ANAPC10: variants seen among roughly 807,000 people sequenced by gnomAD.
The protein encoded by ANAPC10 is anaphase promoting complex subunit 10, also known as anaphase-promoting complex subunit 10.
A neutral mutation model predicts 22.0 loss-of-function variants in ANAPC10; 12 were observed. The observed-to-expected ratio is 0.55, with a 90% CI of 0.35 to 0.88. The LOEUF (loss-of-function observed/expected upper bound fraction) is 0.88. ANAPC10 is among the 40% of genes least tolerant of loss of function. The pLI is 0.01. For synonymous variants in ANAPC10, 65 were observed against 69.5 expected (o/e 0.94, Z 0.32); for missense variants, 188 against 220.9 (o/e 0.85, Z 0.94).
chr4:145,001,428 C>T (rs1164072186), intron 4 of ANAPC10, among the ~76,000 whole-genome samples: 2 of 152,096 alleles, frequency 1.3e-5, no homozygotes, highest in African/African-American at 4.8e-5. Flanking sequence ...AAATCATAGA[C>T]ACAGAAAGTA....
chr4:145,081,846 G>A, intron 2 of ANAPC10, 96 bp from the exon 3 acceptor site: 1 of 880,926 alleles, frequency 1.1e-6, no homozygotes. Context: ...CAGAAATTTT[G>A]ATAAACAGAA....
chr4:145,036,587 A>C (rs2054769679), intron 4 of ANAPC10, among the ~76,000 whole-genome samples: 1 of 152,138 alleles, frequency 6.6e-6, no homozygotes, highest in Non-Finnish European at 1.5e-5. Context: ...GGGCTCAAGC[A>C]ATCCTTCTGC....
intron 4 of ANAPC10, among the ~76,000 whole-genome samples, chr4:145,045,910 C>T (rs768779740): frequency 2.0e-5 from 3 of 152,010 alleles, no homozygotes; most frequent in African/African-American, 4.8e-5. Context: ...TTTTAAAAAA[C>T]GATCTGATCT....
chr4:145,097,876 C>G (rs1324994005), intron 1 of ANAPC10: 6 of 302,636 alleles, frequency 2.0e-5, no homozygotes, highest in African/African-American at 4.4e-5. Flanking sequence ...GATTCCCGGC[C>G]CTGAACTGAC....
intron 4 of ANAPC10, among the ~76,000 whole-genome samples, chr4:145,054,178 A>AT (rs1200275464): frequency 6.6e-6 from 1 of 150,570 alleles, no homozygotes; most frequent in East Asian, 2.0e-4. Context: ...AAGTGCTGGT[A>AT]TTACAGGCCT....
In ANAPC10 at chr4:145,082,120, T is replaced by C. The variant is rs561226008; in HGVS notation, c.116-370A>G. ...CCTATATTAGGATCAAGTTATTTTG[T>C]TGTCACCTTTTTAAAAAACATCTTC... On this transcript the variant is annotated intron_variant, in intron 2 of 4. Transcript: ENST00000507656. Among the ~76,000 whole-genome samples the C allele has an allele frequency of 6.4e-4, 97 of 152,236 alleles. 1 individual carries two copies. The highest frequency in any genetic ancestry group is 1.1e-3 in the Non-Finnish European group (76 of 68,044).
intron 4 of ANAPC10, among the ~76,000 whole-genome samples, chr4:145,022,932 G>A (rs1481401555): frequency 6.6e-6 from 1 of 151,812 alleles, no homozygotes; most frequent in African/African-American, 2.4e-5. Flanking sequence ...ATGCAGGTTT[G>A]TTACATATGT....
At chr4:145,013,589 T>C (rs994332337) in intron 4 of ANAPC10, among the ~76,000 whole-genome samples, 1 of 152,128 alleles carries the variant, frequency 6.6e-6, no homozygotes, top group African/African-American at 2.4e-5. Context: ...TGGGAGGCAG[T>C]AGATTGCAGC....
intron 4 of ANAPC10, among the ~76,000 whole-genome samples, chr4:145,036,995 C>CGTGTGTGTGTGTGTGTGTGTGTGTGT (rs202100756): frequency 7.6e-6 from 1 of 131,122 alleles, no homozygotes; most frequent in Non-Finnish European, 1.6e-5. Context: ...AAATAGATAA[C>CGTGTGTGTGTGTGTGTGTGTGTGTGT]GTGTGTGTGT....
chr4:145,028,386 T>G (rs1294375393), intron 4 of ANAPC10, among the ~76,000 whole-genome samples: 1 of 152,160 alleles, frequency 6.6e-6, no homozygotes, highest in East Asian at 1.9e-4. Context: ...TTTTGAGACT[T>G]GGGCTGGTTC....
At chr4:145,029,179 T>C (rs1737177593) in intron 4 of ANAPC10, among the ~76,000 whole-genome samples, 1 of 152,176 alleles carries the variant, frequency 6.6e-6, no homozygotes, top group Non-Finnish European at 1.5e-5. Context: ...TGAGGTTTTT[T>C]GCCAGAAGAA....
intron 3 of ANAPC10, among the ~76,000 whole-genome samples, chr4:145,068,990 A>G (rs1200404113): frequency 1.3e-5 from 2 of 152,220 alleles, no homozygotes; most frequent in Non-Finnish European, 2.9e-5. Flanking sequence ...CTACAACAAC[A>G]AAGACCATGT....
intron 1 of ANAPC10, among the ~76,000 whole-genome samples, chr4:145,096,748 CTA>C (rs1365923934): frequency 6.6e-6 from 1 of 151,836 alleles, no homozygotes; most frequent in Non-Finnish European, 1.5e-5. Flanking sequence ...CAGGATCTAG[CTA>C]TGTTACCCAG....
At chr4:145,038,553 A>G (rs944896398) in intron 4 of ANAPC10, among the ~76,000 whole-genome samples, 47 of 151,550 alleles carry the variant, frequency 3.1e-4, no homozygotes, top group African/African-American at 1.1e-3. Flanking sequence ...AGCCAGGCGC[A>G]ATGGCTCATG....
chr4:145,026,945 A>ATATATGTG (rs1287102797), intron 4 of ANAPC10, among the ~76,000 whole-genome samples: 72 of 17,144 alleles, frequency 4.2e-3, no homozygotes, highest in African/African-American at 7.2e-3. Flanking sequence ...ATATATATAT[A>ATATATGTG]TGTGTGTGTG....
At chr4:145,009,319 C>T (rs981097895) in intron 4 of ANAPC10, among the ~76,000 whole-genome samples, 1 of 152,052 alleles carries the variant, frequency 6.6e-6, no homozygotes. Flanking sequence ...CTTCACAGAA[C>T]TGGAAAAAAC....
intron 4 of ANAPC10, among the ~76,000 whole-genome samples, chr4:145,040,481 C>A (rs1739350548): frequency 6.6e-6 from 1 of 152,190 alleles, no homozygotes; most frequent in Non-Finnish European, 1.5e-5. Context: ...AAAAACATAA[C>A]AAATTTTAAT....
chr4:145,005,835 AT>A (rs1207867109), intron 4 of ANAPC10, among the ~76,000 whole-genome samples: 9 of 151,644 alleles, frequency 5.9e-5, no homozygotes, highest in African/African-American at 2.2e-4. Flanking sequence ...GGTTTGTATA[AT>A]TTCAGTTTTG....
chr4:145,026,920 C>CATATATACATATATATATATATATAT lies in ANAPC10; in HGVS notation c.328-31318_328-31317insATATATATATATATATATGTATATAT, dbSNP rs1203858529. On this transcript the variant is annotated intron_variant, in intron 4 of 4. Coordinates refer to ENST00000507656, the MANE Select transcript of ANAPC10 (RefSeq NM_001256706.2). ...CAAATGAAGTTTTTGCCTATACATA[C>CATATATACATATATATATATATATAT]ATATATATATATATATATATATATA... is the stretch of plus-strand genomic sequence containing the variant. Among the ~76,000 whole-genome samples the CATATATACATATATATATATATATAT allele has an allele frequency of 1.3e-3, 22 of 17,038 alleles. 2 individuals carry two copies. Among genetic ancestry groups the CATATATACATATATATATATATATAT allele is most frequent in the Non-Finnish European group, 2.7e-3 (18 of 6,744 alleles). 11.2% of individuals were successfully genotyped at this position (17,038 alleles called of 152,430 possible). A position where few individuals can be genotyped will look rare whatever the true frequency, so the allele number is the denominator to read the frequency against.
Sources: allele counts gnomAD v4.1 joint callset (sites outside exome capture counted in the v4.1 genomes callset), GRCh38; gene constraint gnomAD v4.1.1; transcripts MANE v1.5; gene names NCBI Gene and HGNC (gene_info 2026-07-23, HGNC 2026-07-21).